Variants in HS6ST2 observed in about 807,000 individuals in gnomAD.
HS6ST2 encodes the protein heparan-sulfate 6-O-sulfotransferase 2.
A neutral mutation model predicts 33.0 loss-of-function variants in HS6ST2; 17 were observed. The observed-to-expected ratio is 0.52, with a 90% CI of 0.35 to 0.77. HS6ST2 has a LOEUF of 0.77. Among genes scored for constraint, HS6ST2 ranks in the 30% least tolerant of loss-of-function variants. HS6ST2 has a pLI of 0.01. For synonymous variants in HS6ST2, 248 were observed against 237.1 expected, an observed-to-expected ratio of 1.05 and a Z score of -0.42; for missense variants, 519 against 551.7, an observed-to-expected ratio of 0.94 and a Z score of 0.59.
In HS6ST2 at chrX:132,732,819, T is replaced by C. The variant is rs1338867613; in HGVS notation, c.948-24325A>G. Among the ~76,000 whole-genome samples, 3 of 111,832 alleles carry C rather than the reference T, an allele frequency of 2.7e-5. No homozygotes were observed. The East Asian group carries it at 8.4e-4, about 31-fold the overall frequency. On this transcript the variant is annotated intron_variant, in intron 2 of 4. Coordinates refer to ENST00000370833, the MANE Select transcript of HS6ST2 (RefSeq NM_001394073.1). The stretch of plus-strand genomic sequence containing the variant: ...GCATGAAAATGAGCTAATATGCTGC[T>C]CATTATGCTACCAAGGATCAAACCA...
intron 2 of HS6ST2, among the ~76,000 whole-genome samples, chrX:132,722,112 T>C (rs1197272131): frequency 1.0e-5 from 1 of 98,547 alleles, no homozygotes; most frequent in African/African-American, 3.8e-5. Flanking sequence ...GGCATGAACC[T>C]GGGAGGCGGA....
chrX:132,960,101 G>A (rs1328748045), upstream of HS6ST2, among the ~76,000 whole-genome samples: 3 of 112,159 alleles, frequency 2.7e-5, no homozygotes, highest in African/African-American at 9.7e-5. Flanking sequence ...GGAACACTCT[G>A]AAAACCCAAT....
At position 132,807,085 on chromosome X, in the gene HS6ST2, A is replaced by C. The variant is rs935851508; in HGVS notation, c.948-98591T>G. 4.5e-5 allele frequency among the ~76,000 whole-genome samples: 5 copies of C among 110,192 alleles called. No homozygotes were observed. In the East Asian group the frequency reaches 8.5e-4, roughly 19 times the overall value. On this transcript the variant is annotated intron_variant, in intron 2 of 4. Transcript: ENST00000370833. ...GCAAAAGTATTTGCGGTTACTTTTA[A>C]TGGCCGAAATGGCAATTACTTTCGG... is the stretch of plus-strand genomic sequence containing the variant.
chrX:132,773,459 C>A (rs2064927392), intron 2 of HS6ST2, among the ~76,000 whole-genome samples: 1 of 109,849 alleles, frequency 9.1e-6, no homozygotes, highest in Non-Finnish European at 1.9e-5. Flanking sequence ...TATGACCCAG[C>A]AATTCCACTC....
At chrX:132,769,662 T>C (rs1261176709) in intron 2 of HS6ST2, among the ~76,000 whole-genome samples, 1 of 112,556 alleles carries the variant, frequency 8.9e-6, no homozygotes, top group Non-Finnish European at 1.9e-5. Flanking sequence ...TTGGGCTTGG[T>C]AGACAATTCC....
At chrX:132,714,130 A>T (rs1355142984) in intron 2 of HS6ST2, among the ~76,000 whole-genome samples, 1 of 111,412 alleles carries the variant, frequency 9.0e-6, no homozygotes, top group African/African-American at 3.3e-5. Context: ...GAGAGAGAAA[A>T]ATATAGCACA....
chrX:132,825,441 C>T (rs991697898), intron 2 of HS6ST2, among the ~76,000 whole-genome samples: 5 of 111,447 alleles, frequency 4.5e-5, no homozygotes, highest in Non-Finnish European at 9.4e-5. Context: ...TTGGGCAGCA[C>T]CTTTGTCAAT....
At chrX:132,831,419 C>T (rs759375101) in intron 2 of HS6ST2, among the ~76,000 whole-genome samples, 1 of 111,005 alleles carries the variant, frequency 9.0e-6, no homozygotes, top group Admixed American at 9.6e-5. Flanking sequence ...AAAATGAGAG[C>T]CTAAGAGGAT....
At chrX:132,839,788 G>A (rs1028875201) in intron 2 of HS6ST2, among the ~76,000 whole-genome samples, 61 of 110,999 alleles carry the variant, frequency 5.5e-4, no homozygotes, top group African/African-American at 1.8e-3. Flanking sequence ...AGCTTCCCAT[G>A]GAAGTGGGAA....
intron 2 of HS6ST2, among the ~76,000 whole-genome samples, chrX:132,921,491 C>T (rs1161471135): frequency 8.9e-6 from 1 of 112,073 alleles, no homozygotes; most frequent in Non-Finnish European, 1.9e-5. Flanking sequence ...TATAATTTTG[C>T]TTATTCAACA....
chrX:132,636,124 C>T (rs1358594128), intron 4 of HS6ST2, among the ~76,000 whole-genome samples: 2 of 111,450 alleles, frequency 1.8e-5, no homozygotes, highest in Non-Finnish European at 3.8e-5. Flanking sequence ...AGGGTAAGAA[C>T]CATGTATCTA....
At chrX:132,717,888 T>G (rs1301649280) in intron 2 of HS6ST2, among the ~76,000 whole-genome samples, 1 of 111,746 alleles carries the variant, frequency 8.9e-6, no homozygotes, top group African/African-American at 3.3e-5. Flanking sequence ...AGGAAACAGG[T>G]ATCCTTTTAT....
intron 2 of HS6ST2, chrX:132,735,533 G>A (rs767635225): frequency 8.9e-6 from 1 of 112,187 alleles, no homozygotes; most frequent in African/African-American, 3.2e-5. Context: ...GGTCAGGAAG[G>A]TTGCAAAGGT....
intron 2 of HS6ST2, among the ~76,000 whole-genome samples, chrX:132,913,124 A>G (rs1399831233): frequency 9.0e-6 from 1 of 111,097 alleles, no homozygotes; most frequent in African/African-American, 3.3e-5. Flanking sequence ...GAGAGCTGCC[A>G]TGCAATAAAA....
At chrX:132,814,740 G>A (rs926603186) in intron 2 of HS6ST2, among the ~76,000 whole-genome samples, 4 of 111,368 alleles carry the variant, frequency 3.6e-5, no homozygotes, top group African/African-American at 1.3e-4. Context: ...TACTGAGCAC[G>A]GCCCCATCTA....
At chrX:132,677,582 C>T (rs1395456578) in intron 3 of HS6ST2, among the ~76,000 whole-genome samples, 1 of 112,140 alleles carries the variant, frequency 8.9e-6, no homozygotes, top group African/African-American at 3.2e-5. Context: ...GACTGACTGA[C>T]GCAAACTAGG....
At chrX:132,816,533 C>T (rs2065396318) in intron 2 of HS6ST2, among the ~76,000 whole-genome samples, 1 of 111,650 alleles carries the variant, frequency 9.0e-6, no homozygotes, top group Admixed American at 9.6e-5. Flanking sequence ...GACTGTTTTC[C>T]ACCTCAAAGG....
At chrX:132,637,813 T>TTTATATATATAATATTATATATAATA (rs2063561819) in intron 4 of HS6ST2, among the ~76,000 whole-genome samples, 1 of 63,029 alleles carries the variant, frequency 1.6e-5, no homozygotes, top group Non-Finnish European at 2.6e-5. Context: ...TATATATTAT[T>TTTATATATATAATATTATATATAATA]TTATATATAT....
chrX:132,921,430 C>T (rs2066649590), intron 2 of HS6ST2, among the ~76,000 whole-genome samples: 1 of 112,303 alleles, frequency 8.9e-6, no homozygotes, highest in Non-Finnish European at 1.9e-5. Flanking sequence ...CCCTGAAAGA[C>T]AAAAAATTGG....
Sources: gnomAD v4.1 joint callset for allele counts (sites outside exome capture counted in the v4.1 genomes callset) on GRCh38, gnomAD v4.1.1 for gene constraint, MANE v1.5 for transcripts, NCBI Gene and HGNC (gene_info 2026-07-23, HGNC 2026-07-21) for gene names.